CSNK2A2IP: variants seen among roughly 807,000 people sequenced by gnomAD.
CSNK2A2IP encodes casein kinase II subunit alpha'-interacting protein.
chr3:88,444,229 CA>C, the CSNK2A2IP span, among the ~76,000 whole-genome samples: 1 of 150,990 alleles, frequency 6.6e-6, no homozygotes, highest in Non-Finnish European at 1.5e-5. Flanking sequence ...GGAGCTTAAA[CA>C]AAAAACTTTT....
the CSNK2A2IP span, chr3:88,465,699 T>G: frequency 8.9e-6 from 11 of 1,231,672 alleles, no homozygotes; most frequent in South Asian, 3.3e-4. Flanking sequence ...TGTGGCCTGC[T>G]CAAAGAGCCC....
At chr3:88,341,304 T>C in the CSNK2A2IP span, among the ~76,000 whole-genome samples, 1 of 151,832 alleles carries the variant, frequency 6.6e-6, no homozygotes, top group Non-Finnish European at 1.5e-5. Flanking sequence ...TATTATTATA[T>C]GCATTTTTAT....
chr3:88,347,068 G>A, the CSNK2A2IP span, among the ~76,000 whole-genome samples: 3 of 151,988 alleles, frequency 2.0e-5, no homozygotes, highest in Non-Finnish European at 1.5e-5. Flanking sequence ...AATTGCAGAC[G>A]TAGTGGAAAT....
chr3:88,459,375 C>A, the CSNK2A2IP span, among the ~76,000 whole-genome samples: 8 of 151,948 alleles, frequency 5.3e-5, no homozygotes, highest in East Asian at 9.6e-4. Flanking sequence ...AAATTTGTGA[C>A]CCATACGTAT....
the CSNK2A2IP span, among the ~76,000 whole-genome samples, chr3:88,388,119 A>G: frequency 2.0e-5 from 3 of 152,050 alleles, no homozygotes; most frequent in Admixed American, 1.3e-4. Context: ...TGGCAGTTCT[A>G]TTATTTGACT....
chr3:88,344,458 T>A, the CSNK2A2IP span, among the ~76,000 whole-genome samples: 1 of 151,958 alleles, frequency 6.6e-6, no homozygotes, highest in African/African-American at 2.4e-5. Context: ...ACAACAGAAA[T>A]AATAGCAAGA....
At chr3:88,465,814 C>A in the CSNK2A2IP span, 8 of 1,231,570 alleles carry the variant, frequency 6.5e-6, no homozygotes, top group Non-Finnish European at 8.1e-6. Flanking sequence ...TTTACAATTA[C>A]CCTTCTGTAA....
the CSNK2A2IP span, among the ~76,000 whole-genome samples, chr3:88,396,352 G>T: frequency 0.38 from 57,998 of 151,628 alleles, 14,073 homozygotes; most frequent in South Asian, 0.58. Context: ...TGATCCGCCC[G>T]CCTCGGCCTC....
chr3:88,438,991 G>A, the CSNK2A2IP span, among the ~76,000 whole-genome samples: 1 of 152,138 alleles, frequency 6.6e-6, no homozygotes, highest in East Asian at 1.9e-4. Flanking sequence ...CATTCCCTGA[G>A]CATGCTTAGG....
chr3:88,383,419 G>A, the CSNK2A2IP span, among the ~76,000 whole-genome samples: 4 of 151,398 alleles, frequency 2.6e-5, no homozygotes, highest in Non-Finnish European at 5.9e-5. Context: ...TCACAGTGAT[G>A]TGAGTATTAA....
chr3:88,383,773 C>T, the CSNK2A2IP span, among the ~76,000 whole-genome samples: 1 of 149,054 alleles, frequency 6.7e-6, no homozygotes, highest in Non-Finnish European at 1.5e-5. Context: ...ATGCCATTCT[C>T]CTGCTTCAGC....
the CSNK2A2IP span, chr3:88,467,154 TA>T: frequency 3.2e-5 from 13 of 404,548 alleles, no homozygotes; most frequent in African/African-American, 4.1e-5. Context: ...TGTTTTATGT[TA>T]AAAAAAATAA....
At chr3:88,453,429 G>A in the CSNK2A2IP span, among the ~76,000 whole-genome samples, 1 of 152,044 alleles carries the variant, frequency 6.6e-6, no homozygotes, top group African/African-American at 2.4e-5. Flanking sequence ...TTAAGTAGAA[G>A]CTGCTAGAAA....
chr3:88,440,003 TGACA>T, the CSNK2A2IP span, among the ~76,000 whole-genome samples: 1 of 152,136 alleles, frequency 6.6e-6, no homozygotes, highest in Non-Finnish European at 1.5e-5. Flanking sequence ...TTCCATTAAC[TGACA>T]GTGTAATGTT....
At chr3:88,386,401 C>T in the CSNK2A2IP span, among the ~76,000 whole-genome samples, 1 of 152,318 alleles carries the variant, frequency 6.6e-6, no homozygotes, top group East Asian at 1.9e-4. Context: ...GCTGGGATTA[C>T]CGGCGTGAGC....
chr3:88,361,520 C>T, the CSNK2A2IP span, among the ~76,000 whole-genome samples: 1 of 152,026 alleles, frequency 6.6e-6, no homozygotes, highest in Non-Finnish European at 1.5e-5. Flanking sequence ...TCATTTTCTT[C>T]CTTTGTCTTG....
the CSNK2A2IP span, among the ~76,000 whole-genome samples, chr3:88,459,190 A>G: frequency 1.3e-5 from 2 of 152,198 alleles, no homozygotes; most frequent in East Asian, 1.9e-4. Context: ...AGAACTAGAC[A>G]TAGAAAACTG....
the CSNK2A2IP span, among the ~76,000 whole-genome samples, chr3:88,354,335 G>A: frequency 6.6e-6 from 1 of 152,182 alleles, no homozygotes; most frequent in Non-Finnish European, 1.5e-5. Flanking sequence ...GTAGTAATTA[G>A]ATGAGCTGCA....
At chr3:88,385,492 T>G in the CSNK2A2IP span, among the ~76,000 whole-genome samples, 1 of 148,174 alleles carries the variant, frequency 6.7e-6, no homozygotes, top group Admixed American at 6.8e-5. Flanking sequence ...ATGACAGTAG[T>G]AAACAACTAT....
Sources: allele counts gnomAD v4.1 joint callset (sites outside exome capture counted in the v4.1 genomes callset), GRCh38; gene constraint gnomAD v4.1.1; transcripts MANE v1.5; gene names NCBI Gene and HGNC (gene_info 2026-07-23, HGNC 2026-07-21).